MED27: variants seen among roughly 807,000 people sequenced by gnomAD.
The protein encoded by MED27 is mediator of RNA polymerase II transcription subunit 27.
MED27 carries 30 observed loss-of-function variants against 38.2 expected under a neutral mutation model. The ratio of observed to expected loss-of-function variants is 0.79; its 90% CI spans 0.59 to 1.07. The LOEUF (loss-of-function observed/expected upper bound fraction) is 1.07, where lower values mean the gene tolerates loss of function less well. MED27 is among the 50% of genes least tolerant of loss of function. The probability of loss-of-function intolerance (pLI) is 0.00; values close to 1 mark genes in which losing one functional copy is unlikely to be tolerated. For missense variants in MED27, 289 were observed against 397.5 expected, an observed-to-expected ratio of 0.73 and a Z score of 2.32; for synonymous variants, 122 against 153.5, an observed-to-expected ratio of 0.79 and a Z score of 1.52.
intron 3 of MED27, among the ~76,000 whole-genome samples, chr9:131,958,248 G>GT (rs945537637): frequency 0.019 from 2,682 of 141,642 alleles, 52 homozygotes; most frequent in African/African-American, 0.054. Flanking sequence ...ATTCAGTGGG[G>GT]TTTTTTTTTT....
At chr9:131,975,508 G>A (rs1031646267) in intron 3 of MED27, among the ~76,000 whole-genome samples, 4 of 152,262 alleles carry the variant, frequency 2.6e-5, no homozygotes, top group South Asian at 2.1e-4. Flanking sequence ...ATATCATCTC[G>A]CTGGGTTAGT....
chr9:132,008,213 T>C (rs529111768), intron 3 of MED27, among the ~76,000 whole-genome samples: 2 of 152,200 alleles, frequency 1.3e-5, no homozygotes, highest in Non-Finnish European at 2.9e-5. Context: ...GGCTGCTATC[T>C]AAGATAGAAC....
At chr9:131,906,271 T>C (rs1250282833) in intron 4 of MED27, among the ~76,000 whole-genome samples, 1 of 152,224 alleles carries the variant, frequency 6.6e-6, no homozygotes, top group South Asian at 2.1e-4. Flanking sequence ...GGGCAGATAA[T>C]AAACAAAAAA....
intron 6 of MED27, among the ~76,000 whole-genome samples, chr9:131,880,563 CAT>C (rs748105416): frequency 1.3e-5 from 2 of 152,230 alleles, no homozygotes; most frequent in East Asian, 1.9e-4. Flanking sequence ...CACAAATACA[CAT>C]GATATGCCAC....
intron 3 of MED27, among the ~76,000 whole-genome samples, chr9:131,948,543 C>A (rs1358619294): frequency 6.6e-6 from 1 of 151,386 alleles, no homozygotes; most frequent in Non-Finnish European, 1.5e-5. Context: ...CACCAACCAA[C>A]CAAACAAAAA....
chr9:132,043,316 TAAA>T (rs34382241), intron 2 of MED27, among the ~76,000 whole-genome samples: 1 of 138,558 alleles, frequency 7.2e-6, no homozygotes, highest in Admixed American at 7.2e-5. Flanking sequence ...TTTTTTTTCT[TAAA>T]AAAAAAAAAA....
intron 2 of MED27, among the ~76,000 whole-genome samples, chr9:132,023,737 G>A (rs1221664883): frequency 2.0e-5 from 3 of 152,130 alleles, no homozygotes; most frequent in South Asian, 2.1e-4. Context: ...CACACGGAAG[G>A]AGACAGGAAA....
At chr9:131,877,015 G>C (rs1838947043) in intron 6 of MED27, among the ~76,000 whole-genome samples, 1 of 152,188 alleles carries the variant, frequency 6.6e-6, no homozygotes, top group Admixed American at 6.5e-5. Flanking sequence ...GCGGGGAGAT[G>C]GTCAGAGGGC....
intron 2 of MED27, among the ~76,000 whole-genome samples, chr9:132,061,384 T>C (rs1198159093): frequency 6.6e-6 from 1 of 152,196 alleles, no homozygotes; most frequent in African/African-American, 2.4e-5. Context: ...ACTTTACACC[T>C]TTTGACTTTG....
chr9:131,862,452 G>C lies in MED27; in HGVS notation c.801+611C>G, dbSNP rs972688293. 6.6e-6 allele frequency among the ~76,000 whole-genome samples: 1 copy of C among 152,162 alleles called. No individual in the cohort carries two copies. Among genetic ancestry groups the C allele is most frequent in the Non-Finnish European group, 1.5e-5 (1 of 68,030 alleles). On this transcript the variant is annotated intron_variant, in intron 7 of 7. Transcript: ENST00000292035. This position sits in a 1 kb window ranked among gnomAD's most constrained non-coding sequence, Gnocchi z 4.6. ...AGCCCTGCTTAGGCCAACTGGTGGC[G>C]GCGTGATAAATGCTGATAAACTGGC...
chr9:131,884,122 T>C, intron 5 of MED27, 23 bp from the exon 6 acceptor site: 2 of 1,591,516 alleles, frequency 1.3e-6, no homozygotes, highest in Non-Finnish European at 1.7e-6. Context: ...GAGAGAAGGA[T>C]CATCAGCATC....
At chr9:131,910,018 G>A (rs748642314) in intron 4 of MED27, among the ~76,000 whole-genome samples, 54 of 152,168 alleles carry the variant, frequency 3.5e-4, no homozygotes, top group Non-Finnish European at 2.5e-4. Context: ...GCTTTTATAA[G>A]ATTTGAATAG....
At chr9:132,000,186 A>G (rs989793199) in intron 3 of MED27, among the ~76,000 whole-genome samples, 4 of 151,880 alleles carry the variant, frequency 2.6e-5, no homozygotes, top group African/African-American at 9.7e-5. Context: ...CTTCATGGAA[A>G]AAAAGCCTTA....
rs1833851017 is a variant in MED27, at chr9:132,068,174, T to C, written c.348+9268A>G. Among the ~76,000 whole-genome samples the C allele has an allele frequency of 2.0e-5, 3 of 152,112 alleles. No individual in the cohort carries two copies. The South Asian group carries it at 6.2e-4, about 32-fold the overall frequency. The stretch of plus-strand genomic sequence containing the variant: ...GGGGCTGCTAACGGTCAACAGGTCA[T>C]GTACAGAGACTCCCCCGGGCCACAC... On this transcript the variant is annotated intron_variant, in intron 2 of 7. Transcript: ENST00000292035.
At chr9:131,864,830 G>A (rs904510178) in intron 6 of MED27, among the ~76,000 whole-genome samples, 3 of 152,250 alleles carry the variant, frequency 2.0e-5, no homozygotes, top group African/African-American at 7.2e-5. Flanking sequence ...ATAAAATGGA[G>A]ACTGTACTGC....
At chr9:132,004,882 G>A (rs1832324568) in intron 3 of MED27, among the ~76,000 whole-genome samples, 1 of 152,192 alleles carries the variant, frequency 6.6e-6, no homozygotes, top group Non-Finnish European at 1.5e-5. Flanking sequence ...AACCAACAGT[G>A]CACAGTCAAG....
chr9:131,969,225 C>T (rs540554023), intron 3 of MED27, among the ~76,000 whole-genome samples: 3 of 145,448 alleles, frequency 2.1e-5, no homozygotes, highest in East Asian at 2.2e-4. Context: ...CACGAACCAG[C>T]CCCTGGTGCC....
At position 131,915,352 on chromosome 9, in the gene MED27, T is replaced by C. The variant is rs74451219; in HGVS notation, c.574-21360A>G. On this transcript the variant is annotated intron_variant, in intron 4 of 7. Coordinates refer to ENST00000292035, the MANE Select transcript of MED27 (RefSeq NM_004269.4). ...TGGCAAGTCTCACACATCTTTGTAA[T>C]TGAAAGAACTGGACATAGATGGATG... Among the ~76,000 whole-genome samples the C allele has an allele frequency of 1.5e-3, 223 of 152,300 alleles. 1 individual carries two copies. Among genetic ancestry groups the C allele is most frequent in the African/African-American group, 5.2e-3 (218 of 41,558 alleles).
chr9:131,875,890 A>G (rs189363596), intron 6 of MED27, among the ~76,000 whole-genome samples: 252 of 152,344 alleles, frequency 1.7e-3, no homozygotes, highest in African/African-American at 5.7e-3. Context: ...GATTACAGGC[A>G]TGACCCACGC....
Sources: gnomAD v4.1 joint callset for allele counts (sites outside exome capture counted in the v4.1 genomes callset) on GRCh38, gnomAD v4.1.1 for gene constraint, Gnocchi (gnomAD v3.1) non-coding constraint, MANE v1.5 for transcripts, NCBI Gene and HGNC (gene_info 2026-07-23, HGNC 2026-07-21) for gene names.